The following CIB3 variants were observed in gnomAD, a reference collection of about 807,000 sequenced individuals.
The protein encoded by CIB3 is calcium and integrin-binding family member 3.
In CIB3, 22 loss-of-function variants were observed where a neutral mutation model predicts 23.4. The observed-to-expected ratio is 0.94, with a 90% CI of 0.67 to 1.34. CIB3 has a LOEUF of 1.34. Among genes scored for constraint, CIB3 ranks in the 40% most tolerant of loss-of-function variants. The pLI, the probability that CIB3 is intolerant of heterozygous loss-of-function variation, is 0.00. For synonymous variants in CIB3, 93 were observed against 95.8 expected (o/e 0.97, Z 0.17); for missense variants, 258 against 247.3 (o/e 1.04, Z -0.29).
intron 4 of CIB3, among the ~76,000 whole-genome samples, chr19:16,166,098 C>T (rs916957702): frequency 5.9e-5 from 9 of 152,060 alleles, no homozygotes; most frequent in Admixed American, 1.3e-4. Context: ...TCCAGGCCAG[C>T]CTGGCCAACA....
chr19:16,162,010 A>G (rs2145075001), intron 5 of CIB3, among the ~76,000 whole-genome samples: 1 of 152,114 alleles, frequency 6.6e-6, no homozygotes, highest in Middle Eastern at 3.4e-3. Context: ...TCAAATAGCT[A>G]GAAGAAGGAT....
rs764650101 is a variant in CIB3 at position 16,164,920 on chromosome 19, A to G, written c.347-7T>C. 1 of 1,613,488 alleles carries G rather than the reference A, an allele frequency of 6.2e-7. No homozygotes were observed. Among genetic ancestry groups the G allele is most frequent in the East Asian group, 2.2e-5 (1 of 44,862 alleles). ...TAGTCGTCGTTGTTAAAATCTGCAGAGCAGGATGGATGGGGAGTGACAGCA... is the reference window on the plus strand; with the variant it reads ...TAGTCGTCGTTGTTAAAATCTGCAGGGCAGGATGGATGGGGAGTGACAGCA... On this transcript the variant is annotated splice_region_variant and splice_polypyrimidine_tract_variant and intron_variant, in intron 4 of 5. Coordinates refer to ENST00000269878, the MANE Select transcript of CIB3 (RefSeq NM_054113.4).
rs2091284526 is a variant in CIB3 at position 16,161,480 on chromosome 19, G to A, written c.549C>T (p.Phe183=). The A allele has an allele frequency of 1.9e-6, 3 of 1,614,000 alleles. No homozygotes were observed. The highest frequency in any genetic ancestry group is 1.1e-5 in the South Asian group (1 of 91,068). ...ILRAPDFLST[F]HIRI The stretch of plus-strand genomic sequence containing the variant: ...TGTGGTGCCATCAGATTCGGATGTG[G>A]AAGGTGCTGTGTGCAGAGAGAAAAG... Residue 183 remains phenylalanine, a synonymous_variant, in exon 6 of 6, where the codon TTC becomes TTT. Coordinates refer to ENST00000269878, the MANE Select transcript of CIB3 (RefSeq NM_054113.4).
intron 2 of CIB3, among the ~76,000 whole-genome samples, chr19:16,170,230 G>GGC (rs1354443447): frequency 6.6e-6 from 1 of 152,152 alleles, no homozygotes; most frequent in African/African-American, 2.4e-5. Context: ...CCTCCCTGGG[G>GGC]GCAGGGTCAA....
chr19:16,164,915 T>C lies in CIB3; in HGVS notation c.347-2A>G. On this transcript the variant is annotated splice_acceptor_variant, in intron 4 of 5. Transcript: ENST00000269878. LOFTEE classifies it high-confidence loss of function. ...AAATGTAGTCGTCGTTGTTAAAATCTGCAGAGCAGGATGGATGGGGAGTGA... is the reference window on the plus strand; with the variant it reads ...AAATGTAGTCGTCGTTGTTAAAATCCGCAGAGCAGGATGGATGGGGAGTGA... The C allele has an allele frequency of 6.2e-7, 1 of 1,613,858 alleles. No individual in the cohort carries two copies.
chr19:16,165,483 G>A (rs559616775), intron 4 of CIB3, among the ~76,000 whole-genome samples: 170 of 150,788 alleles, frequency 1.1e-3, no homozygotes, highest in African/African-American at 4.0e-3. Flanking sequence ...TCGCTCTGTC[G>A]CCCAGGCTGG....
chr19:16,173,309 C>G, intron 1 of CIB3, 113 bp from the exon 2 acceptor site: 1 of 1,576,084 alleles, frequency 6.3e-7, no homozygotes, highest in East Asian at 2.2e-5. Context: ...ACACACAGAG[C>G]AGAACCAGGA....
chr19:16,171,030 C>T (rs2364500), intron 2 of CIB3, among the ~76,000 whole-genome samples: 100,709 of 151,256 alleles, frequency 0.67, 34,751 homozygotes, highest in East Asian at 0.95. Context: ...CCCAGCTACT[C>T]CGGAGGCTGA....
At chr19:16,164,034 A>T (rs1368638879) in intron 5 of CIB3, among the ~76,000 whole-genome samples, 1 of 152,152 alleles carries the variant, frequency 6.6e-6, no homozygotes, top group Non-Finnish European at 1.5e-5. Context: ...TGCATGGCAC[A>T]ATCTGAGCTC....
chr19:16,164,722 G>T lies in CIB3; in HGVS notation c.538C>A (p.Leu180Ile). ...QNMILRAPDF[L>I]STFHIRI is the part of the protein sequence containing the mutation. The stretch of plus-strand genomic sequence containing the variant: ...GGCGGTGACGGAGAGCATCACCTGA[G>T]GAAGTCTGGTGCCCGGAGGATCATG... Residue 180 changes from leucine (L) to isoleucine (I), a missense_variant, in exon 5 of 6, where the codon CTC becomes ATC. By Grantham distance (5) the Leu-to-Ile change is conservative. Coordinates refer to ENST00000269878, the MANE Select transcript of CIB3 (RefSeq NM_054113.4). The T allele has an allele frequency of 6.2e-7, 1 of 1,613,688 alleles. No homozygotes were observed. Among genetic ancestry groups the T allele is most frequent in the South Asian group, 1.1e-5 (1 of 91,080 alleles).
chr19:16,161,673 CTTT>C (rs55969649), intron 5 of CIB3, among the ~76,000 whole-genome samples, 187 bp from the exon 6 acceptor site: 1 of 100,054 alleles, frequency 1.0e-5, no homozygotes, highest in Non-Finnish European at 1.9e-5. Flanking sequence ...TTTTTTAATT[CTTT>C]TTTTTTTTTT....
chr19:16,161,473 G>A lies in CIB3; in HGVS notation c.556C>T (p.Arg186Ter), dbSNP rs759091850. Residue 186 changes from arginine (R) to a stop codon, truncating the protein, a stop_gained, in exon 6 of 6, where the codon CGA becomes TGA. Transcript: ENST00000269878. LOFTEE classifies it high-confidence loss of function. ...GCTCCTCTGTGGTGCCATCAGATTC[G>A]GATGTGGAAGGTGCTGTGTGCAGAG... ...APDFLSTFHI[R>*]I is the part of the protein sequence containing the mutation. 9.3e-6 allele frequency: 15 copies of A among 1,613,790 alleles called. No homozygotes were observed. The highest frequency in any genetic ancestry group is 6.7e-5 in the East Asian group (3 of 44,864).
intron 5 of CIB3, among the ~76,000 whole-genome samples, chr19:16,163,259 AAAAC>A (rs772621815): frequency 4.6e-5 from 7 of 152,172 alleles, no homozygotes; most frequent in East Asian, 3.9e-4. Flanking sequence ...ACCCTGTCTC[AAAAC>A]AAACAAACGG....
chr19:16,168,386 T>C, intron 3 of CIB3, 102 bp from the exon 4 acceptor site: 1 of 1,473,370 alleles, frequency 6.8e-7, no homozygotes, highest in Non-Finnish European at 9.1e-7. Flanking sequence ...AACCTCCAAG[T>C]ACCCTCCATC....
chr19:16,169,606 G>T (rs527816812), intron 3 of CIB3, 24 bp downstream of exon 3: 3 of 1,599,680 alleles, frequency 1.9e-6, no homozygotes, highest in African/African-American at 1.3e-5. Context: ...TTTTTACCCT[G>T]TTTGTCCCAT....
intron 5 of CIB3, 88 bp downstream of exon 5, chr19:16,164,630 A>G: frequency 8.1e-7 from 1 of 1,229,318 alleles, no homozygotes; most frequent in Non-Finnish European, 1.2e-6. Context: ...TGAATAGAGG[A>G]ATTTTCAGAA....
At chr19:16,168,341 C>G in intron 3 of CIB3, 57 bp from the exon 4 acceptor site, 1 of 1,596,758 alleles carries the variant, frequency 6.3e-7, no homozygotes, top group Non-Finnish European at 8.5e-7. Context: ...TCTCTGGGGT[C>G]CATGTGGTCT....
intron 3 of CIB3, 106 bp from the exon 4 acceptor site, chr19:16,168,390 C>G: frequency 4.8e-6 from 7 of 1,451,914 alleles, no homozygotes; most frequent in Non-Finnish European, 6.5e-6. Context: ...TCCAAGTACC[C>G]TCCATCAAGA....
At position 16,171,110 on chromosome 19, in the gene CIB3, C is replaced by A. The variant is rs1391912517; in HGVS notation, c.87-1369G>T. 3.3e-5 allele frequency among the ~76,000 whole-genome samples: 5 copies of A among 150,964 alleles called. No homozygotes were observed. The East Asian group carries it at 9.7e-4, about 29-fold the overall frequency. On this transcript the variant is annotated intron_variant, in intron 2 of 5. Transcript: ENST00000269878. ...CCGAGATCAAGCCAGTGCACTCCAG[C>A]CTGGGCAACAGAATGAGACTCGGTC...
Sources: gnomAD v4.1 joint callset for allele counts (sites outside exome capture counted in the v4.1 genomes callset) on GRCh38, gnomAD v4.1.1 for gene constraint, MANE v1.5 for transcripts, NCBI Gene and HGNC (gene_info 2026-07-23, HGNC 2026-07-21) for gene names.